SLC24A3: variants seen among roughly 807,000 people sequenced by gnomAD.
SLC24A3 encodes sodium/potassium/calcium exchanger 3.
In SLC24A3, 28 loss-of-function variants were observed where a neutral mutation model predicts 75.8. The ratio of observed to expected loss-of-function variants is 0.37; its 90% CI spans 0.27 to 0.51. SLC24A3 has a LOEUF of 0.51. Ranked by LOEUF, SLC24A3 falls within the 20% of genes least tolerant of loss-of-function variation. The probability of loss-of-function intolerance (pLI) is 0.94; values close to 1 mark genes in which losing one functional copy is unlikely to be tolerated. For synonymous variants in SLC24A3, 372 were observed against 334.1 expected (o/e 1.11, Z -1.24); for missense variants, 663 against 847.8 (o/e 0.78, Z 2.71).
rs1986142113 is a variant in SLC24A3, at chr20:19,379,304, A to G, written c.271+98217A>G. ...GAACCACCCATGTGTTTCTGCCTTC[A>G]GGGATCTTCACTCTGGAGTGGGGTG... On this transcript the variant is annotated intron_variant, in intron 2 of 16. Coordinates refer to ENST00000328041, the MANE Select transcript of SLC24A3 (RefSeq NM_020689.4). Among the ~76,000 whole-genome samples the G allele has an allele frequency of 3.3e-5, 5 of 152,284 alleles. No individual in the cohort carries two copies. In the South Asian group the frequency reaches 1.0e-3, roughly 32 times the overall value.
At chr20:19,455,385 A>T (rs1346582131) in intron 2 of SLC24A3, among the ~76,000 whole-genome samples, 1 of 152,210 alleles carries the variant, frequency 6.6e-6, no homozygotes, top group Non-Finnish European at 1.5e-5. Flanking sequence ...GTTGTGGCAG[A>T]TGCTATCAGT....
At chr20:19,337,380 G>C (rs1985159486) in intron 2 of SLC24A3, among the ~76,000 whole-genome samples, 1 of 152,140 alleles carries the variant, frequency 6.6e-6, no homozygotes, top group Non-Finnish European at 1.5e-5. Flanking sequence ...GGAGGTGGAG[G>C]TTGCGGTGAG....
rs540835694 is a variant in SLC24A3, at chr20:19,619,702, G to C, written c.612+34158G>C. ...CCTCCCTTTGGTGCATTGGGTTGTA[G>C]ATCTATGATTATGAGCTCTACATCC... On this transcript the variant is annotated intron_variant, in intron 6 of 16. Coordinates refer to ENST00000328041, the MANE Select transcript of SLC24A3 (RefSeq NM_020689.4). Among the ~76,000 whole-genome samples, 8 of 152,288 alleles carry C rather than the reference G, an allele frequency of 5.3e-5. No homozygotes were observed. In the South Asian group the frequency reaches 1.7e-3, roughly 32 times the overall value.
At position 19,685,166 on chromosome 20, in the gene SLC24A3, A is replaced by G. The variant is rs200552083; in HGVS notation, c.1129A>G (p.Ile377Val). Residue 377 changes from isoleucine (I) to valine (V), a missense_variant, in exon 12 of 17, where the codon ATT becomes GTT. Ile to Val is a conservative substitution (Grantham distance 29, BLOSUM62 3). Transcript: ENST00000328041. The part of the protein sequence containing the change: ...GESEVAIKIP[I>V]KHTVENGTGP... ...ATCTGAGGTGGCCATCAAAATCCCA[A>G]TTAAGCACACCGTGGAGAATGGGAC... The G allele has an allele frequency of 3.3e-5, 53 of 1,614,160 alleles. No homozygotes were observed. In the East Asian group the frequency reaches 1.1e-3, roughly 34 times the overall value.
chr20:19,445,507 A>C (rs559907809), intron 2 of SLC24A3, among the ~76,000 whole-genome samples: 2 of 152,214 alleles, frequency 1.3e-5, no homozygotes, highest in African/African-American at 2.4e-5. Flanking sequence ...GGGAATTGGA[A>C]TGTAAGACGA....
intron 1 of SLC24A3, among the ~76,000 whole-genome samples, chr20:19,231,570 C>T (rs1340831557): frequency 6.6e-6 from 1 of 152,164 alleles, no homozygotes; most frequent in African/African-American, 2.4e-5. Context: ...GGGGGTGCCT[C>T]CAGGAGCTGG....
chr20:19,441,848 C>T (rs1295419243), intron 2 of SLC24A3, among the ~76,000 whole-genome samples: 1 of 152,118 alleles, frequency 6.6e-6, no homozygotes, highest in Non-Finnish European at 1.5e-5. Flanking sequence ...CTCTCACTGA[C>T]CCCTGGAAAC....
chr20:19,599,121 G>C (rs1169916822), intron 6 of SLC24A3, among the ~76,000 whole-genome samples: 1 of 152,136 alleles, frequency 6.6e-6, no homozygotes, highest in Admixed American at 6.5e-5. Context: ...ATAGAGCCCA[G>C]AGAGGGAGGT....
chr20:19,595,444 G>A (rs575214706), intron 6 of SLC24A3, among the ~76,000 whole-genome samples: 4 of 152,268 alleles, frequency 2.6e-5, no homozygotes, highest in Admixed American at 1.3e-4. Flanking sequence ...TGGCACAAAC[G>A]TGCTCAGGGA....
chr20:19,426,249 CA>C (rs1226105420), intron 2 of SLC24A3, among the ~76,000 whole-genome samples: 11 of 152,178 alleles, frequency 7.2e-5, no homozygotes, highest in Non-Finnish European at 1.5e-4. Context: ...ACAATATACA[CA>C]AGGTTGTTTC....
At chr20:19,296,543 G>A (rs928625539) in intron 2 of SLC24A3, among the ~76,000 whole-genome samples, 20 of 152,046 alleles carry the variant, frequency 1.3e-4, no homozygotes, top group African/African-American at 4.8e-4. Flanking sequence ...TCAACAAGAA[G>A]AGCTAACTGT....
chr20:19,270,781 G>A (rs1983305701), intron 1 of SLC24A3, among the ~76,000 whole-genome samples: 1 of 152,062 alleles, frequency 6.6e-6, no homozygotes. Flanking sequence ...TAGAGTTAGA[G>A]GGGGAGGGGG....
intron 1 of SLC24A3, among the ~76,000 whole-genome samples, chr20:19,267,814 G>A (rs910766690): frequency 6.6e-6 from 1 of 152,162 alleles, no homozygotes; most frequent in Non-Finnish European, 1.5e-5. Flanking sequence ...TGGAGCGAGG[G>A]CAGACATGGG....
intron 1 of SLC24A3, among the ~76,000 whole-genome samples, chr20:19,229,339 G>C (rs1022203831): frequency 1.3e-5 from 2 of 151,764 alleles, no homozygotes; most frequent in Admixed American, 1.3e-4. Context: ...TTTTCCCTGA[G>C]TCAGTAAAGC....
rs148027862 is a variant in SLC24A3, at chr20:19,332,043, A to G, written c.271+50956A>G. On this transcript the variant is annotated intron_variant, in intron 2 of 16. Coordinates refer to ENST00000328041, the MANE Select transcript of SLC24A3 (RefSeq NM_020689.4). Reference sequence around the variant, plus strand: ...AGGTGCTTGAGGAACACAGAAGGACATTGCAGCTGGGGATTAGGGAGAGAA... The same window carrying G: ...AGGTGCTTGAGGAACACAGAAGGACGTTGCAGCTGGGGATTAGGGAGAGAA... 2.6e-3 allele frequency among the ~76,000 whole-genome samples: 399 copies of G among 152,214 alleles called. 2 individuals carry two copies. The highest frequency in any genetic ancestry group is 9.2e-3 in the African/African-American group (383 of 41,548).
intron 2 of SLC24A3, among the ~76,000 whole-genome samples, chr20:19,448,929 C>G (rs1367183301): frequency 6.6e-6 from 1 of 152,248 alleles, no homozygotes; most frequent in Admixed American, 6.5e-5. Flanking sequence ...GAAAACCACA[C>G]TTTGTGGGCA....
At chr20:19,285,132 T>C (rs746650502) in intron 2 of SLC24A3, among the ~76,000 whole-genome samples, 1 of 152,110 alleles carries the variant, frequency 6.6e-6, no homozygotes, top group Non-Finnish European at 1.5e-5. Flanking sequence ...GGTGCTGTCT[T>C]CTGATGACAG....
chr20:19,226,087 A>C (rs913211474), intron 1 of SLC24A3, among the ~76,000 whole-genome samples: 7 of 152,016 alleles, frequency 4.6e-5, no homozygotes, highest in African/African-American at 1.7e-4. Context: ...AAATTGAGTA[A>C]TTTCCTTTTT....
intron 1 of SLC24A3, among the ~76,000 whole-genome samples, chr20:19,236,897 G>C (rs1372516631): frequency 6.6e-6 from 1 of 151,994 alleles, no homozygotes; most frequent in African/African-American, 2.4e-5. Context: ...GTCCCTTGGG[G>C]ATGGTGGCTC....
Sources: allele counts gnomAD v4.1 joint callset (sites outside exome capture counted in the v4.1 genomes callset), GRCh38; gene constraint gnomAD v4.1.1; transcripts MANE v1.5; gene names NCBI Gene and HGNC (gene_info 2026-07-23, HGNC 2026-07-21).